Variants in PLCL1 observed in about 807,000 individuals in gnomAD.
PLCL1 encodes the protein phospholipase C like 1 (inactive).
Under a neutral mutation model 84.4 loss-of-function variants are expected in PLCL1, and 41 were observed. That is an observed-to-expected ratio of 0.49 (90% confidence interval 0.38 to 0.63). PLCL1 has a LOEUF of 0.63. PLCL1 is among the 30% of genes least tolerant of loss of function. The pLI is 0.00. For synonymous variants in PLCL1, 490 were observed against 488.3 expected (o/e 1.00, Z -0.05); for missense variants, 1,206 against 1,367.8 (o/e 0.88, Z 1.87).
At chr2:198,074,648 CAACA>C (rs1692537726) in intron 1 of PLCL1, among the ~76,000 whole-genome samples, 3 of 152,170 alleles carry the variant, frequency 2.0e-5, no homozygotes, top group South Asian at 2.1e-4. Context: ...CAAAAACAAA[CAACA>C]AACAAACAAA....
chr2:197,980,424 A>G (rs1690078401), intron 1 of PLCL1, among the ~76,000 whole-genome samples: 1 of 152,182 alleles, frequency 6.6e-6, no homozygotes, highest in Non-Finnish European at 1.5e-5. Flanking sequence ...TTTGTTCCGT[A>G]TCATATTGTA....
Position 197,832,967 on chromosome 2 carries a change from C to T in PLCL1, c.240+27628C>T, listed in dbSNP as rs555681555. On this transcript the variant is annotated intron_variant, in intron 1 of 5. Transcript: ENST00000428675. ...AAATTTGGCCAGGTGCGGTGGCTCA[C>T]GCCTGTGATCCCAGCACTTTGGGAG... Among the ~76,000 whole-genome samples, 16 of 152,312 alleles carry T rather than the reference C, an allele frequency of 1.1e-4. No individual in the cohort carries two copies. The South Asian group carries it at 1.2e-3, about 12-fold the overall frequency.
At chr2:197,980,840 G>T (rs1484240822) in intron 1 of PLCL1, among the ~76,000 whole-genome samples, 1 of 152,140 alleles carries the variant, frequency 6.6e-6, no homozygotes, top group Non-Finnish European at 1.5e-5. Context: ...ATCTTATAAG[G>T]TAGGGAAATT....
At chr2:198,126,055 A>G (rs1231077120) in intron 5 of PLCL1, among the ~76,000 whole-genome samples, 5 of 152,142 alleles carry the variant, frequency 3.3e-5, no homozygotes, top group Admixed American at 6.6e-5. Context: ...GTCTAGGTGT[A>G]TATAATTCTT....
chr2:197,849,658 C>G (rs1687188232), intron 1 of PLCL1, among the ~76,000 whole-genome samples: 1 of 138,034 alleles, frequency 7.2e-6, no homozygotes, highest in African/African-American at 2.5e-5. Flanking sequence ...TTAAAAATAA[C>G]CTTAAAATGT....
At chr2:197,858,559 T>C (rs1262442936) in intron 1 of PLCL1, among the ~76,000 whole-genome samples, 1 of 152,190 alleles carries the variant, frequency 6.6e-6, no homozygotes, top group Non-Finnish European at 1.5e-5. Context: ...ATTTTTATAT[T>C]ATGTGTACTA....
chr2:198,105,232 A>C (rs1171126424), intron 5 of PLCL1, among the ~76,000 whole-genome samples: 1 of 152,032 alleles, frequency 6.6e-6, no homozygotes, highest in South Asian at 2.1e-4. Context: ...TCTTCTGCAC[A>C]TGACTAGCTA....
intron 1 of PLCL1, among the ~76,000 whole-genome samples, chr2:197,864,828 A>G (rs900571889): frequency 1.3e-5 from 2 of 152,214 alleles, no homozygotes; most frequent in Non-Finnish European, 2.9e-5. Context: ...TATACAGTAT[A>G]AAAACATGTT....
chr2:198,146,834 C>G lies in PLCL1; in HGVS notation c.3160C>G (p.Gln1054Glu). ...GAATGAAGCTATAGAAAACATGAAG[C>G]AGATCCAGCTGGCATGCCTGTCCTG... ...AKNEAIENMK[Q>E]IQLACLSCGL... Residue 1054 changes from glutamine (Q) to glutamate (E), a missense_variant, in exon 6 of 6, where the codon CAG becomes GAG. Coordinates refer to ENST00000428675, the MANE Select transcript of PLCL1 (RefSeq NM_006226.4). 2 of 1,613,460 alleles carry G rather than the reference C, an allele frequency of 1.2e-6. No homozygotes were observed. Among genetic ancestry groups the G allele is most frequent in the Non-Finnish European group, 1.7e-6 (2 of 1,179,642 alleles).
chr2:197,985,989 C>A (rs932897531), intron 1 of PLCL1, among the ~76,000 whole-genome samples: 2 of 152,204 alleles, frequency 1.3e-5, no homozygotes, highest in African/African-American at 4.8e-5. Context: ...AACCTAGTAC[C>A]TACAGAAGGG....
At chr2:197,953,483 G>A (rs189482152) in intron 1 of PLCL1, among the ~76,000 whole-genome samples, 1 of 152,180 alleles carries the variant, frequency 6.6e-6, no homozygotes, top group African/African-American at 2.4e-5. Flanking sequence ...TGCACAGGCT[G>A]AGTGCAAGTT....
intron 1 of PLCL1, among the ~76,000 whole-genome samples, chr2:197,860,800 T>G (rs1286427069): frequency 6.6e-6 from 1 of 152,246 alleles, no homozygotes; most frequent in Non-Finnish European, 1.5e-5. Flanking sequence ...TGCAAAAATT[T>G]TCTCCCATTC....
chr2:197,823,945 A>T (rs1224707814), intron 1 of PLCL1, among the ~76,000 whole-genome samples: 3 of 152,198 alleles, frequency 2.0e-5, no homozygotes, highest in Non-Finnish European at 4.4e-5. Flanking sequence ...AGTGGTCTCC[A>T]CTTTCCTCAA....
chr2:197,891,170 T>C (rs868522387), intron 1 of PLCL1, among the ~76,000 whole-genome samples: 11 of 152,078 alleles, frequency 7.2e-5, no homozygotes, highest in Middle Eastern at 3.2e-3. Flanking sequence ...ATTTAGGTAC[T>C]GAAAGAGGAA....
chr2:197,991,013 G>T (rs1015120003), intron 1 of PLCL1, among the ~76,000 whole-genome samples: 7 of 152,142 alleles, frequency 4.6e-5, no homozygotes, highest in African/African-American at 2.4e-5. Flanking sequence ...ATTTGAGTGG[G>T]CCATCGGGTG....
At chr2:198,109,395 C>T (rs1199497657) in intron 5 of PLCL1, among the ~76,000 whole-genome samples, 1 of 151,734 alleles carries the variant, frequency 6.6e-6, no homozygotes, top group Non-Finnish European at 1.5e-5. Flanking sequence ...GGATTAAGTT[C>T]CAACATGAAT....
chr2:197,912,078 TA>T (rs764199686), intron 1 of PLCL1, among the ~76,000 whole-genome samples: 1 of 152,210 alleles, frequency 6.6e-6, no homozygotes, highest in Non-Finnish European at 1.5e-5. Flanking sequence ...GAATCTATAT[TA>T]ACTGCCTTAG....
chr2:197,915,814 G>A (rs948308564), intron 1 of PLCL1, among the ~76,000 whole-genome samples: 1 of 152,166 alleles, frequency 6.6e-6, no homozygotes, highest in Non-Finnish European at 1.5e-5. Context: ...GTGATGCGAA[G>A]GCTGAGAGAG....
In PLCL1 at chr2:197,980,098, T is replaced by G. The variant is rs151327260; in HGVS notation, c.241-103660T>G. Among the ~76,000 whole-genome samples the G allele has an allele frequency of 2.1e-4, 32 of 152,268 alleles. 1 individual carries two copies. Among genetic ancestry groups the G allele is most frequent in the African/African-American group, 7.7e-4 (32 of 41,562 alleles). ...CAAACTCGAGGAGTTAGTGCCTGAC[T>G]CTGTGTGTGGGAATGCAGAAAGCGG... On this transcript the variant is annotated intron_variant, in intron 1 of 5. Coordinates refer to ENST00000428675, the MANE Select transcript of PLCL1 (RefSeq NM_006226.4).
Sources: allele counts gnomAD v4.1 joint callset (sites outside exome capture counted in the v4.1 genomes callset), GRCh38; gene constraint gnomAD v4.1.1; transcripts MANE v1.5; gene names NCBI Gene and HGNC (gene_info 2026-07-23, HGNC 2026-07-21).